The following NDST1 variants were observed in gnomAD, a reference collection of about 807,000 sequenced individuals.
NDST1 encodes the protein bifunctional heparan sulfate N-deacetylase/N-sulfotransferase 1.
A neutral mutation model predicts 92.8 loss-of-function variants in NDST1; 35 were observed. That is an observed-to-expected ratio of 0.38 (90% CI 0.29 to 0.50). NDST1 has a LOEUF of 0.50. NDST1 is among the 20% of genes least tolerant of loss of function. NDST1 has a pLI of 0.94. For synonymous variants in NDST1, 493 were observed against 500.3 expected (o/e 0.99, Z 0.19); for missense variants, 822 against 1,182.7 (o/e 0.69, Z 4.47).
At chr5:150,536,114 C>G (rs2545342) in intron 6 of NDST1, among the ~76,000 whole-genome samples, 113,373 of 152,114 alleles carry the variant, frequency 0.75, 43,509 homozygotes, top group African/African-American at 0.93. Flanking sequence ...GAGGATCAAG[C>G]AATAATCAGC....
chr5:150,542,793 C>CT (rs929546559), intron 9 of NDST1, 55 bp from the exon 10 acceptor site: 72 of 1,613,078 alleles, frequency 4.5e-5, no homozygotes, highest in African/African-American at 2.4e-4. Flanking sequence ...AACCCAGACT[C>CT]TATCTTTTGG....
intron 1 of NDST1, among the ~76,000 whole-genome samples, chr5:150,509,398 C>G (rs543297286): frequency 3.9e-5 from 6 of 152,120 alleles, no homozygotes; most frequent in Non-Finnish European, 5.9e-5. Context: ...CATGCCAGGC[C>G]GTGAGGCGAG....
At position 150,553,182 on chromosome 5, in the gene NDST1, C is replaced by T; in HGVS notation, c.2530-31C>T. ...AGAGGAGGTCACTCTTAAGTCAGTA[C>T]ACAAGGTCTGAGCTTTCCTTCCCGT... On this transcript the variant is annotated intron_variant, in intron 14 of 14. Coordinates refer to ENST00000261797, the MANE Select transcript of NDST1 (RefSeq NM_001543.5). The surrounding 1 kb of genome is among the most constrained non-coding windows in gnomAD (Gnocchi z 4.2). 1.2e-6 allele frequency: 2 copies of T among 1,608,190 alleles called. No homozygotes were observed. The highest frequency in any genetic ancestry group is 3.3e-5 in the Admixed American group (2 of 59,814).
At chr5:150,535,456 T>C in intron 5 of NDST1, 4 of 928,674 alleles carry the variant, frequency 4.3e-6, no homozygotes, top group Non-Finnish European at 5.1e-6. Flanking sequence ...GCTAGAGGCA[T>C]GTGCACCGGA....
At position 150,553,766 on chromosome 5, in the gene NDST1, G is replaced by T; in HGVS notation, c.*434G>T. 2.3e-6 allele frequency: 1 copy of T among 430,420 alleles called. No individual in the cohort carries two copies. Among genetic ancestry groups the T allele is most frequent in the Non-Finnish European group, 4.3e-6 (1 of 232,562 alleles). 26.7% of individuals were successfully genotyped at this position (430,420 alleles called of 1,614,324 possible). On this transcript the variant is annotated 3_prime_UTR_variant, in exon 15 of 15. Coordinates refer to ENST00000261797, the MANE Select transcript of NDST1 (RefSeq NM_001543.5). The surrounding 1 kb of genome is among the most constrained non-coding windows in gnomAD (Gnocchi z 4.2). The stretch of plus-strand genomic sequence containing the variant: ...GAGGAGAGCCTGGCCGGGGGAGACA[G>T]ACTGGACATTTCCCTGTTTCGAGCC...
At chr5:150,528,804 A>T (rs937364957) in intron 3 of NDST1, among the ~76,000 whole-genome samples, 2 of 152,128 alleles carry the variant, frequency 1.3e-5, no homozygotes, top group African/African-American at 4.8e-5. Flanking sequence ...CAAAAAAATT[A>T]AAAAAATAAA....
intron 1 of NDST1, among the ~76,000 whole-genome samples, chr5:150,512,002 C>CT (rs1238844486): frequency 1.3e-5 from 2 of 151,826 alleles, no homozygotes; most frequent in Non-Finnish European, 2.9e-5. Flanking sequence ...GCTGGATCAG[C>CT]TATGGGGAGT....
intron 1 of NDST1, among the ~76,000 whole-genome samples, chr5:150,498,449 T>C (rs185978007): frequency 6.6e-6 from 1 of 152,282 alleles, no homozygotes; most frequent in African/African-American, 2.4e-5. Flanking sequence ...GATCCTGGGG[T>C]CTTAGTCTCC....
intron 6 of NDST1, 111 bp from the exon 7 acceptor site, chr5:150,539,117 T>G: frequency 1.1e-6 from 1 of 893,572 alleles, no homozygotes; most frequent in Non-Finnish European, 1.9e-6. Flanking sequence ...TGCGACCACA[T>G]GGAGACTGCC....
chr5:150,505,069 C>A (rs115812670), upstream of NDST1, among the ~76,000 whole-genome samples: 1 of 152,140 alleles, frequency 6.6e-6, no homozygotes, highest in Non-Finnish European at 1.5e-5. Context: ...CATGTGATAC[C>A]GCAGCAATGC....
chr5:150,522,468 G>A (rs372897148), intron 2 of NDST1, among the ~76,000 whole-genome samples: 1 of 151,896 alleles, frequency 6.6e-6, no homozygotes, highest in Non-Finnish European at 1.5e-5. Flanking sequence ...GTGGGCGGGG[G>A]ATCCAGAGGC....
intron 13 of NDST1, chr5:150,550,961 A>G (rs544945324): frequency 8.5e-5 from 13 of 152,752 alleles, no homozygotes; most frequent in African/African-American, 3.1e-4. Context: ...GGTAGCTGCT[A>G]TTGTCCTTGT....
intron 1 of NDST1, among the ~76,000 whole-genome samples, chr5:150,514,071 C>T (rs999628523): frequency 1.3e-5 from 2 of 152,302 alleles, no homozygotes; most frequent in African/African-American, 4.8e-5. Context: ...GGCTGAGGTT[C>T]CCCTCATGCC....
At chr5:150,537,656 A>G (rs139044340) in intron 6 of NDST1, among the ~76,000 whole-genome samples, 38 of 152,278 alleles carry the variant, frequency 2.5e-4, no homozygotes, top group African/African-American at 8.9e-4. Context: ...CCGTCCTGTG[A>G]TCTCGCCCTG....
In NDST1 at chr5:150,548,301, G is replaced by T; in HGVS notation, c.2229G>T (p.Lys743Asn). Residue 743 changes from lysine (K) to asparagine (N), a missense_variant, in exon 12 of 15, where the codon AAG becomes AAT. Lys to Asn is a moderately conservative substitution (Grantham distance 94). Coordinates refer to ENST00000261797, the MANE Select transcript of NDST1 (RefSeq NM_001543.5). ...VITAGSDASSKLRALQNRCLV... is the reference protein window; with the variant it reads ...VITAGSDASSNLRALQNRCLV... ...CCGCCGGCTCTGACGCATCCTCGAA[G>T]CTGCGTGCCCTCCAGAACCGCTGCC... 3.7e-6 allele frequency: 6 copies of T among 1,614,110 alleles called. No individual in the cohort carries two copies. The highest frequency in any genetic ancestry group is 4.2e-6 in the Non-Finnish European group (5 of 1,180,040).
chr5:150,509,698 ATGGGGTTTCACCG>A (rs1164108693), intron 1 of NDST1, among the ~76,000 whole-genome samples: 2 of 152,024 alleles, frequency 1.3e-5, no homozygotes, highest in Non-Finnish European at 2.9e-5. Context: ...GTTAGTAGAG[ATGGGGTTTCACCG>A]TGTTAGCCAG....
chr5:150,529,803 C>G (rs1754640641), intron 3 of NDST1, among the ~76,000 whole-genome samples: 1 of 152,192 alleles, frequency 6.6e-6, no homozygotes, highest in East Asian at 1.9e-4. Context: ...TAAAAAGAGA[C>G]TTGTAAGAGG....
At chr5:150,545,218 A>G (rs576790364) in intron 10 of NDST1, 94 bp from the exon 11 acceptor site, 1 of 1,424,898 alleles carries the variant, frequency 7.0e-7, no homozygotes, top group African/African-American at 1.4e-5. Context: ...CTCTCTGAGG[A>G]CATTCTACCC....
At chr5:150,511,273 G>C (rs910528446) in intron 1 of NDST1, among the ~76,000 whole-genome samples, 7 of 152,250 alleles carry the variant, frequency 4.6e-5, no homozygotes, top group African/African-American at 1.7e-4. Context: ...AAGGGCACAA[G>C]GCTCTTGAGT....
Sources: allele counts gnomAD v4.1 joint callset (sites outside exome capture counted in the v4.1 genomes callset), GRCh38; gene constraint gnomAD v4.1.1; non-coding constraint Gnocchi (gnomAD v3.1); transcripts MANE v1.5; gene names NCBI Gene and HGNC (gene_info 2026-07-23, HGNC 2026-07-21).